KIF17: variants seen among roughly 807,000 people sequenced by gnomAD.
The protein encoded by KIF17 is kinesin family member 17.
In KIF17, 80 loss-of-function variants were observed where a neutral mutation model predicts 96.8. The ratio of observed to expected loss-of-function variants is 0.83; its 90% CI spans 0.69 to 1.00. KIF17 has a LOEUF of 1.00. Among genes scored for constraint, KIF17 ranks in the 50% least tolerant of loss-of-function variants. The pLI is 0.00. For missense variants in KIF17, 1,280 were observed against 1,372.9 expected (o/e 0.93, Z 1.07); for synonymous variants, 567 against 587.5 (o/e 0.97, Z 0.51).
Position 20,684,943 on chromosome 1 carries a change from G to A in KIF17, c.2097C>T (p.Ala699=), listed in dbSNP as rs1258285099. 2 of 1,603,036 alleles carry A rather than the reference G, an allele frequency of 1.2e-6. No individual in the cohort carries two copies. The highest frequency in any genetic ancestry group is 1.3e-5 in the African/African-American group (1 of 74,684). Reference sequence around the variant, plus strand: ...CAGGCTGAGCCACCAGGGCCACCGGGGCCTGAGCCTCCAACCACACGCCAG... The same window carrying A: ...CAGGCTGAGCCACCAGGGCCACCGGAGCCTGAGCCTCCAACCACACGCCAG... ...AEPGVWLEAQ[A]PVALVAQPEP... is the part of the protein sequence containing the mutation. The change falls in exon 10 of 15, where the codon GCC becomes GCT. Residue 699 remains alanine, a synonymous_variant. Coordinates refer to ENST00000400463, the MANE Select transcript of KIF17 (RefSeq NM_001122819.3).
intron 11 of KIF17, among the ~76,000 whole-genome samples, chr1:20,678,418 A>T (rs904985733): frequency 7.9e-5 from 12 of 152,154 alleles, no homozygotes; most frequent in Non-Finnish European, 1.8e-4. Flanking sequence ...AAAAAAATTT[A>T]AAAATAAAAT....
rs1285691073 is a variant in KIF17 at position 20,709,715 on chromosome 1, G to A, written c.594C>T (p.Val198=). ...AATCCTTGTTCATCAGCGTGTAGCC[G>A]ACCGAACGGTTCTTCCAGCCAGTCT... ...IMETGWKNRS[V]GYTLMNKDSS... The change falls in exon 4 of 15, where the codon GTC becomes GTT. Residue 198 remains valine, a synonymous_variant. Transcript: ENST00000400463. This position sits in a 1 kb window ranked among gnomAD's most constrained non-coding sequence, Gnocchi z 4.7. 1.1e-5 allele frequency: 18 copies of A among 1,613,954 alleles called. No individual in the cohort carries two copies. The highest frequency in any genetic ancestry group is 1.7e-5 in the Admixed American group (1 of 60,006).
At chr1:20,708,475 C>T (rs999110947) in intron 4 of KIF17, among the ~76,000 whole-genome samples, 2 of 152,168 alleles carry the variant, frequency 1.3e-5, no homozygotes, top group African/African-American at 4.8e-5. Context: ...TGACCCTGAT[C>T]CCTGGGTCAG....
rs1421595233 is a variant in KIF17 at position 20,687,554 on chromosome 1, C to T, written c.1772G>A (p.Gly591Glu). The T allele has an allele frequency of 3.1e-6, 5 of 1,613,720 alleles. No individual in the cohort carries two copies. The Admixed American group carries it at 6.7e-5, about 22-fold the overall frequency. ...LGQEAAGHLL[G>E]EQNYLPQEEP... is the part of the protein sequence containing the mutation. ...CTCTTGCGGGAGGTAGTTCTGTTCC[C>T]CCAGCAGGTGCCCAGCGGCCTCCTG... is the stretch of plus-strand genomic sequence containing the variant. The change falls in exon 8 of 15, where the codon GGG becomes GAG. Residue 591 changes from glycine (G) to glutamate (E), a missense_variant. Gly to Glu is a moderately conservative substitution (Grantham distance 98). Coordinates refer to ENST00000400463, the MANE Select transcript of KIF17 (RefSeq NM_001122819.3). The surrounding 1 kb of genome is among the most constrained non-coding windows in gnomAD (Gnocchi z 4.4).
At chr1:20,681,687 G>A (rs531724769) in intron 11 of KIF17, among the ~76,000 whole-genome samples, 1 of 152,186 alleles carries the variant, frequency 6.6e-6, no homozygotes, top group South Asian at 2.1e-4. Flanking sequence ...CCTGACTCAG[G>A]CCTCACTCCC....
At chr1:20,695,133 C>CAT (rs2054112561) in intron 6 of KIF17, among the ~76,000 whole-genome samples, 2 of 147,990 alleles carry the variant, frequency 1.4e-5, no homozygotes, top group African/African-American at 4.9e-5. Context: ...CACACGCACA[C>CAT]ACACGCACAC....
chr1:20,709,649 C>T lies in KIF17; in HGVS notation c.660G>A (p.Met220Ile). 1 of 1,614,038 alleles carries T rather than the reference C, an allele frequency of 6.2e-7. No individual in the cohort carries two copies. Among genetic ancestry groups the T allele is most frequent in the African/African-American group, 1.3e-5 (1 of 75,052 alleles). Residue 220 changes from methionine (M) to isoleucine (I), a missense_variant, in exon 4 of 15, where the codon ATG becomes ATA. Physicochemically the swap from Met to Ile is conservative, Grantham distance 10. Coordinates refer to ENST00000400463, the MANE Select transcript of KIF17 (RefSeq NM_001122819.3). This position sits in a 1 kb window ranked among gnomAD's most constrained non-coding sequence, Gnocchi z 4.7. Reference sequence around the variant, plus strand: ...AATGGCCTCGCATACCCACGGCAGACATCTCGATGCTGATGGTGAAGATGG... The same window carrying T: ...AATGGCCTCGCATACCCACGGCAGATATCTCGATGCTGATGGTGAAGATGG... ...SHSIFTISIE[M>I]SAVDERGKDH...
intron 11 of KIF17, among the ~76,000 whole-genome samples, chr1:20,680,595 C>T (rs148723554): frequency 8.4e-4 from 127 of 151,972 alleles, no homozygotes; most frequent in African/African-American, 3.0e-3. Context: ...TAAAAAATAA[C>T]TCCAATTAGA....
At chr1:20,698,293 C>T (rs2054177166) in intron 6 of KIF17, 86 bp downstream of exon 6, 18 of 886,958 alleles carry the variant, frequency 2.0e-5, no homozygotes, top group South Asian at 6.7e-5. Flanking sequence ...GGTGATATCG[C>T]GTTGGACCCC....
intron 9 of KIF17, 27 bp downstream of exon 9, chr1:20,686,019 C>A (rs756142364): frequency 1.3e-6 from 2 of 1,539,526 alleles, no homozygotes. Flanking sequence ...CCCCGTCCCC[C>A]ACATGGAGGC....
intron 4 of KIF17, among the ~76,000 whole-genome samples, chr1:20,705,736 G>C (rs1045470163): frequency 6.6e-6 from 1 of 152,082 alleles, no homozygotes; most frequent in African/African-American, 2.4e-5. Flanking sequence ...ATCACCAGAT[G>C]TGCTCTTGCA....
Position 20,704,536 on chromosome 1 carries a change from G to C in KIF17, c.1034C>G (p.Pro345Arg). ...GTACTCGCGAAGCAGCGCATCCTTGGGGTCCTCATTGATGCGCGGCTTGTT... is the reference window on the plus strand; with the variant it reads ...GTACTCGCGAAGCAGCGCATCCTTGCGGTCCTCATTGATGCGCGGCTTGTT... ...IRNKPRINEDPKDALLREYQE... is the reference protein window; with the variant it reads ...IRNKPRINEDRKDALLREYQE... Residue 345 changes from proline to arginine, a missense_variant, in exon 5 of 15, where the codon CCC becomes CGC. Coordinates refer to ENST00000400463, the MANE Select transcript of KIF17 (RefSeq NM_001122819.3). The surrounding 1 kb of genome is among the most constrained non-coding windows in gnomAD (Gnocchi z 6.8). 1 of 1,614,184 alleles carries C rather than the reference G, an allele frequency of 6.2e-7. No homozygotes were observed. The highest frequency in any genetic ancestry group is 8.5e-7 in the Non-Finnish European group (1 of 1,180,010).
In KIF17 at chr1:20,709,302, G is replaced by A. The variant is rs554982427; in HGVS notation, c.670+337C>T. Reference sequence around the variant, plus strand: ...AGGCTGAGGTGGGAGGCTCGCCCGAGCCTGGGAGGCAGAGGTTGCAGTGAG... The same window carrying A: ...AGGCTGAGGTGGGAGGCTCGCCCGAACCTGGGAGGCAGAGGTTGCAGTGAG... On this transcript the variant is annotated intron_variant, in intron 4 of 14. Coordinates refer to ENST00000400463, the MANE Select transcript of KIF17 (RefSeq NM_001122819.3). This position sits in a 1 kb window ranked among gnomAD's most constrained non-coding sequence, Gnocchi z 4.7. Among the ~76,000 whole-genome samples, 7 of 152,114 alleles carry A rather than the reference G, an allele frequency of 4.6e-5. No homozygotes were observed. Among genetic ancestry groups the A allele is most frequent in the Non-Finnish European group, 1.0e-4 (7 of 68,024 alleles).
chr1:20,714,468 C>G (rs370643913), intron 2 of KIF17, among the ~76,000 whole-genome samples: 1 of 148,324 alleles, frequency 6.7e-6, no homozygotes, highest in Admixed American at 6.7e-5. Context: ...CCAGCCTGGG[C>G]GAAAGAGCAA....
chr1:20,682,584 G>T, intron 11 of KIF17, 69 bp downstream of exon 11: 7 of 1,330,558 alleles, frequency 5.3e-6, no homozygotes, highest in Non-Finnish European at 7.6e-6. Flanking sequence ...AAGGTGTAGG[G>T]ATGCCTGGAT....
At chr1:20,679,001 C>CAAAAAA (rs34906395) in intron 11 of KIF17, among the ~76,000 whole-genome samples, 8 of 86,616 alleles carry the variant, frequency 9.2e-5, no homozygotes, top group African/African-American at 3.5e-4. Flanking sequence ...TCTTCCTTGG[C>CAAAAAA]AAAAAAAAAA....
At chr1:20,681,338 G>A (rs1013034050) in intron 11 of KIF17, among the ~76,000 whole-genome samples, 3 of 151,202 alleles carry the variant, frequency 2.0e-5, no homozygotes, top group Non-Finnish European at 3.0e-5. Context: ...TACAGCATGC[G>A]CCACCACGCC....
intron 5 of KIF17, among the ~76,000 whole-genome samples, chr1:20,698,718 C>T (rs991976139): frequency 2.6e-5 from 4 of 152,194 alleles, no homozygotes; most frequent in African/African-American, 9.7e-5. Flanking sequence ...GACAAAAACT[C>T]CACACCCACG....
At chr1:20,669,835 C>T (rs1246864241) in intron 13 of KIF17, among the ~76,000 whole-genome samples, 47 of 123,594 alleles carry the variant, frequency 3.8e-4, no homozygotes, top group Non-Finnish European at 6.3e-4. Context: ...CACTGCACTC[C>T]GGCCTGGTGA....
Sources: allele counts gnomAD v4.1 joint callset (sites outside exome capture counted in the v4.1 genomes callset), GRCh38; gene constraint gnomAD v4.1.1; non-coding constraint Gnocchi (gnomAD v3.1); transcripts MANE v1.5; gene names NCBI Gene and HGNC (gene_info 2026-07-23, HGNC 2026-07-21).